RAB6B: variants seen among roughly 807,000 people sequenced by gnomAD.
The protein encoded by RAB6B is ras-related protein Rab-6B.
RAB6B carries 7 observed loss-of-function variants against 31.2 expected under a neutral mutation model. The ratio of observed to expected loss-of-function variants is 0.22; its 90% confidence interval spans 0.13 to 0.42. The LOEUF is 0.42. Ranked by LOEUF, RAB6B falls within the 10% of genes least tolerant of loss-of-function variation. The pLI is 1.00. For missense variants in RAB6B, 149 were observed against 280.6 expected (o/e 0.53, Z 3.35); for synonymous variants, 105 against 104.9 (o/e 1.00, Z -0.01).
intron 2 of RAB6B, among the ~76,000 whole-genome samples, chr3:133,859,581 T>C (rs911837884): frequency 5.9e-5 from 9 of 152,216 alleles, no homozygotes; most frequent in African/African-American, 2.2e-4. Context: ...CCCGAGTCTC[T>C]GTTTGTTAAG....
intron 2 of RAB6B, among the ~76,000 whole-genome samples, chr3:133,851,636 G>T (rs1240118039): frequency 6.6e-6 from 1 of 152,196 alleles, no homozygotes; most frequent in Non-Finnish European, 1.5e-5. Context: ...AAGATGTAGA[G>T]AGGCTGGGTG....
At chr3:133,833,240 T>C (rs1935681412) in intron 7 of RAB6B, among the ~76,000 whole-genome samples, 1 of 152,212 alleles carries the variant, frequency 6.6e-6, no homozygotes, top group Admixed American at 6.5e-5. Context: ...AGCCTGTCTC[T>C]GCTACTGAGA....
At chr3:133,835,232 G>A (rs1935716053) in intron 6 of RAB6B, among the ~76,000 whole-genome samples, 1 of 152,168 alleles carries the variant, frequency 6.6e-6, no homozygotes, top group South Asian at 2.1e-4. Context: ...TGTTTATTGT[G>A]TGTAGGAGTG....
In RAB6B at chr3:133,828,226, CTGA is replaced by C; in HGVS notation, c.*559_*561del. 1 of 543,980 alleles carries C rather than the reference CTGA, an allele frequency of 1.8e-6. No homozygotes were observed. Among genetic ancestry groups the C allele is most frequent in the Non-Finnish European group, 3.3e-6 (1 of 304,532 alleles). 33.7% of individuals were successfully genotyped at this position (543,980 alleles called of 1,614,324 possible). On this transcript the variant is annotated 3_prime_UTR_variant, in exon 8 of 8. Transcript: ENST00000285208. ...AGAGTCAGAGCTACCTTTTCAGAGGCTGATGTGTTCAACCAATGTTTGATTTAA... is the reference window on the plus strand; with the variant it reads ...AGAGTCAGAGCTACCTTTTCAGAGGCTGTGTTCAACCAATGTTTGATTTAA...
chr3:133,884,215 T>C (rs1441342006), intron 1 of RAB6B, among the ~76,000 whole-genome samples: 1 of 152,260 alleles, frequency 6.6e-6, no homozygotes, highest in Non-Finnish European at 1.5e-5. Context: ...GCACTGCCTA[T>C]GCAGAAGAAC....
intron 2 of RAB6B, among the ~76,000 whole-genome samples, chr3:133,863,660 A>G (rs1238530023): frequency 1.3e-5 from 2 of 152,052 alleles, no homozygotes; most frequent in Non-Finnish European, 2.9e-5. Context: ...GTGTTCCCTA[A>G]ATCTGTACAA....
At chr3:133,871,469 G>A (rs1351434149) in intron 1 of RAB6B, among the ~76,000 whole-genome samples, 2 of 152,192 alleles carry the variant, frequency 1.3e-5, no homozygotes, top group Non-Finnish European at 2.9e-5. Context: ...AAAATCATTT[G>A]CCCACATTTC....
Position 133,828,402 on chromosome 3 carries a change from T to TAGATCTCG in RAB6B, c.*385_*386insCGAGATCT. ...CAAAGAGAACAGGAAGGAGGAGGTG[T>TAGATCTCG]GTGGAAAAGGTTCTCTATAAGTTTA... On this transcript the variant is annotated 3_prime_UTR_variant, in exon 8 of 8. Coordinates refer to ENST00000285208, the MANE Select transcript of RAB6B (RefSeq NM_016577.4). 1 of 353,344 alleles carries TAGATCTCG rather than the reference T, an allele frequency of 2.8e-6. No homozygotes were observed. The allele number at this position is 353,344 out of a possible 1,614,324, so 21.9% of individuals were successfully genotyped here.
At chr3:133,880,496 T>C (rs1936451963) in intron 1 of RAB6B, among the ~76,000 whole-genome samples, 1 of 152,240 alleles carries the variant, frequency 6.6e-6, no homozygotes, top group South Asian at 2.1e-4. Context: ...AGGAGGCCTC[T>C]AGACTGCAGG....
chr3:133,885,120 T>G (rs377658169), intron 1 of RAB6B, among the ~76,000 whole-genome samples: 7 of 130,278 alleles, frequency 5.4e-5, no homozygotes, highest in Non-Finnish European at 1.2e-4. Flanking sequence ...GACCAGAGGA[T>G]GGGGAACTCA....
At chr3:133,892,935 A>G (rs1389800760) in intron 1 of RAB6B, among the ~76,000 whole-genome samples, 3 of 152,194 alleles carry the variant, frequency 2.0e-5, no homozygotes, top group East Asian at 1.9e-4. Flanking sequence ...ATGCACATAC[A>G]TGTCCCCTAC....
chr3:133,831,132 C>T lies in RAB6B; in HGVS notation c.563-2280G>A, dbSNP rs1935650778. On this transcript the variant is annotated intron_variant, in intron 7 of 7. Transcript: ENST00000285208. ...AATTTGATCACAATACTTTTGTACA[C>T]TGCACAGCAATAGTTCTCAAATGGA... is the stretch of plus-strand genomic sequence containing the variant. 1.3e-5 allele frequency among the ~76,000 whole-genome samples: 2 copies of T among 152,228 alleles called. 1 individual carries two copies. Among genetic ancestry groups the T allele is most frequent in the South Asian group, 4.1e-4 (2 of 4,830 alleles).
chr3:133,891,871 C>T (rs925291404), intron 1 of RAB6B, among the ~76,000 whole-genome samples: 2 of 152,210 alleles, frequency 1.3e-5, no homozygotes, highest in Admixed American at 1.3e-4. Flanking sequence ...ACTGGCCTGC[C>T]GTCCTCAGCT....
At chr3:133,884,376 G>A (rs897214909) in intron 1 of RAB6B, among the ~76,000 whole-genome samples, 8 of 152,258 alleles carry the variant, frequency 5.3e-5, no homozygotes, top group Non-Finnish European at 1.2e-4. Context: ...CAAAACGGCA[G>A]TGTCTGCCTC....
intron 1 of RAB6B, among the ~76,000 whole-genome samples, chr3:133,873,550 C>T (rs1936354161): frequency 6.6e-6 from 1 of 152,306 alleles, no homozygotes; most frequent in South Asian, 2.1e-4. Flanking sequence ...GGGCTCGGCC[C>T]CCTCTCCTGC....
chr3:133,895,270 T>C (rs1936692115), intron 1 of RAB6B, 127 bp downstream of exon 1: 1 of 580,984 alleles, frequency 1.7e-6, no homozygotes, highest in Non-Finnish European at 2.8e-6. Context: ...TCCCCATCCC[T>C]GTCCCTCTCC....
chr3:133,838,146 C>T lies in RAB6B; in HGVS notation c.495+20G>A, dbSNP rs376191326. Reference sequence around the variant, plus strand: ...CCGTGCCGGGCCCCGTGCCGGGCCCCGTGCCAGGTGTGTCCTCACCTGCTT... The same window carrying T: ...CCGTGCCGGGCCCCGTGCCGGGCCCTGTGCCAGGTGTGTCCTCACCTGCTT... On this transcript the variant is annotated intron_variant, in intron 6 of 7. Transcript: ENST00000285208. 2.3e-5 allele frequency: 31 copies of T among 1,325,570 alleles called. 2 individuals carry two copies. Among genetic ancestry groups the T allele is most frequent in the South Asian group, 1.9e-4 (16 of 85,306 alleles). The allele number at this position is 1,325,570 out of a possible 1,614,324, so 82.1% of individuals were successfully genotyped here.
intron 1 of RAB6B, among the ~76,000 whole-genome samples, chr3:133,876,091 G>A (rs928721141): frequency 2.6e-5 from 4 of 152,160 alleles, no homozygotes; most frequent in Non-Finnish European, 5.9e-5. Flanking sequence ...CTGTGTTTGG[G>A]GAGGTCCAAA....
chr3:133,841,283 A>C lies in RAB6B; in HGVS notation c.289+2T>G. On this transcript the variant is annotated splice_donor_variant, in intron 4 of 7. Coordinates refer to ENST00000285208, the MANE Select transcript of RAB6B (RefSeq NM_016577.4). LOFTEE classifies it high-confidence loss of function. ...CTCCCTTAGGAGCAGAGCCTCACTC[A>C]CTTGTGATGTCGTACACCACCACAG... The C allele has an allele frequency of 6.2e-7, 1 of 1,613,942 alleles. No individual in the cohort carries two copies.
Sources: allele counts gnomAD v4.1 joint callset (sites outside exome capture counted in the v4.1 genomes callset), GRCh38; gene constraint gnomAD v4.1.1; transcripts MANE v1.5; gene names NCBI Gene and HGNC (gene_info 2026-07-23, HGNC 2026-07-21).